Variants in UBR1 observed in about 807,000 individuals in gnomAD.
UBR1 encodes the protein E3 ubiquitin-protein ligase UBR1.
UBR1 carries 102 observed loss-of-function variants against 242.1 expected under a neutral mutation model. The ratio of observed to expected loss-of-function variants is 0.42; its 90% CI spans 0.36 to 0.50. UBR1 has a LOEUF of 0.50. Among genes scored for constraint, UBR1 ranks in the 20% least tolerant of loss-of-function variants. The pLI is 0.01. For synonymous variants in UBR1, 675 were observed against 684.8 expected, an observed-to-expected ratio of 0.99 and a Z score of 0.22; for missense variants, 1,772 against 2,101.8, an observed-to-expected ratio of 0.84 and a Z score of 3.07.
At chr15:43,082,542 A>C (rs1358000637) in intron 3 of UBR1, 96 bp downstream of exon 3, 17 of 898,716 alleles carry the variant, frequency 1.9e-5, no homozygotes, top group Non-Finnish European at 3.1e-5. Flanking sequence ...CACATATCAG[A>C]GCTGTTATAG....
chr15:43,043,601 C>T (rs534420509), intron 14 of UBR1, among the ~76,000 whole-genome samples: 1 of 152,218 alleles, frequency 6.6e-6, no homozygotes, highest in African/African-American at 2.4e-5. Context: ...CAGGCGCGTG[C>T]CACCATGCCC....
At chr15:43,002,946 A>G (rs1445827450) in intron 31 of UBR1, among the ~76,000 whole-genome samples, 1 of 152,248 alleles carries the variant, frequency 6.6e-6, no homozygotes, top group African/African-American at 2.4e-5. Flanking sequence ...TTATTGAATC[A>G]TAACTCATCT....
intron 4 of UBR1, among the ~76,000 whole-genome samples, chr15:43,071,566 T>C (rs1172256230): frequency 6.6e-6 from 1 of 151,330 alleles, no homozygotes; most frequent in African/African-American, 2.4e-5. Flanking sequence ...CTGAACGCTA[T>C]ATCTACACTA....
intron 39 of UBR1, among the ~76,000 whole-genome samples, chr15:42,971,765 AT>A (rs2032210667): frequency 6.6e-6 from 1 of 152,246 alleles, no homozygotes; most frequent in African/African-American, 2.4e-5. Context: ...TAAATTTTAC[AT>A]GCAATTAAGT....
At chr15:43,095,599 A>G (rs1425829901) in intron 1 of UBR1, among the ~76,000 whole-genome samples, 1 of 152,054 alleles carries the variant, frequency 6.6e-6, no homozygotes, top group Non-Finnish European at 1.5e-5. Context: ...CTCATCAACT[A>G]TGGTTTATTC....
In UBR1 at chr15:43,069,570, C is replaced by T. The variant is rs149043466; in HGVS notation, c.659+1225G>A. 1.9e-4 allele frequency among the ~76,000 whole-genome samples: 29 copies of T among 152,312 alleles called. No individual in the cohort carries two copies. The East Asian group carries it at 4.8e-3, about 25-fold the overall frequency. ...GATTACAGGCGTGAGCCGCCGCGCC[C>T]GGCCTATGTTCCCAGTTTTAAACAA... On this transcript the variant is annotated intron_variant, in intron 5 of 46. Transcript: ENST00000290650.
chr15:43,017,523 G>A (rs938849257), intron 27 of UBR1, among the ~76,000 whole-genome samples: 5 of 152,094 alleles, frequency 3.3e-5, no homozygotes, highest in Non-Finnish European at 5.9e-5. Context: ...GACACAAAAT[G>A]GTGACTGCTC....
chr15:42,954,500 G>T (rs1161686012), intron 44 of UBR1, among the ~76,000 whole-genome samples: 5 of 152,092 alleles, frequency 3.3e-5, no homozygotes, highest in Non-Finnish European at 5.9e-5. Flanking sequence ...CTAGATAAGA[G>T]AATTTCCTGA....
intron 19 of UBR1, among the ~76,000 whole-genome samples, chr15:43,035,811 G>T (rs1172430563): frequency 6.6e-6 from 1 of 151,518 alleles, no homozygotes; most frequent in African/African-American, 2.4e-5. Context: ...TGTATAAGGT[G>T]TAAGGAAGGG....
chr15:43,072,616 A>G (rs2033836407), intron 4 of UBR1, among the ~76,000 whole-genome samples: 1 of 152,240 alleles, frequency 6.6e-6, no homozygotes, highest in Admixed American at 6.5e-5. Flanking sequence ...CTTCAGGAGG[A>G]AAACATCCAC....
At position 43,043,228 on chromosome 15, in the gene UBR1, A is replaced by G; in HGVS notation, c.1836T>C (p.Ser612=). ...ACAAACACTCACCAGCAAGGGTCCT[A>G]GAGAGTGGCAGATGTATGCTTACAA... ...EDLVSIHLPL[S]RTLAGLHVRL... Residue 612 remains serine (S), a synonymous_variant, in exon 15 of 47, where the codon TCT becomes TCC. Coordinates refer to ENST00000290650, the MANE Select transcript of UBR1 (RefSeq NM_174916.3). The G allele has an allele frequency of 6.2e-7, 1 of 1,614,156 alleles. No homozygotes were observed. Among genetic ancestry groups the G allele is most frequent in the Non-Finnish European group, 8.5e-7 (1 of 1,180,024 alleles).
chr15:43,061,134 A>G (rs1182111707), intron 6 of UBR1, among the ~76,000 whole-genome samples: 1 of 152,214 alleles, frequency 6.6e-6, no homozygotes, highest in East Asian at 1.9e-4. Context: ...GGCTGCTATC[A>G]AAAAATAAGA....
chr15:43,014,773 G>A (rs1347825623), intron 29 of UBR1, among the ~76,000 whole-genome samples: 9 of 149,140 alleles, frequency 6.0e-5, no homozygotes, highest in Non-Finnish European at 1.2e-4. Flanking sequence ...CAGCCACCCC[G>A]TCCGGGAGGG....
intron 37 of UBR1, among the ~76,000 whole-genome samples, chr15:42,980,527 T>C (rs1168599491): frequency 6.6e-6 from 1 of 152,206 alleles, no homozygotes. Flanking sequence ...AATTAGATTT[T>C]ATTTAAAAAT....
At chr15:43,030,325 T>C (rs924116388) in intron 20 of UBR1, among the ~76,000 whole-genome samples, 2 of 152,172 alleles carry the variant, frequency 1.3e-5, no homozygotes, top group African/African-American at 2.4e-5. Flanking sequence ...CACATACATA[T>C]ACATACATAT....
intron 1 of UBR1, among the ~76,000 whole-genome samples, chr15:43,089,330 A>C (rs2034080128): frequency 6.6e-6 from 1 of 152,082 alleles, no homozygotes; most frequent in African/African-American, 2.4e-5. Flanking sequence ...ATCTCTGCTA[A>C]AAATACAAAA....
chr15:42,966,044 GGGA>G, intron 41 of UBR1, 106 bp downstream of exon 41: 2 of 1,499,738 alleles, frequency 1.3e-6, no homozygotes, highest in Non-Finnish European at 1.8e-6. Flanking sequence ...GAAAGAAATG[GGGA>G]GAGGAGAAGT....
chr15:43,068,664 A>C lies in UBR1; in HGVS notation c.660-628T>G, dbSNP rs2033785632. ...TAGATGGAATCTCACTCTGTCACCC[A>C]GGCTGGAGTACGGTGGCGCAATCTT... On this transcript the variant is annotated intron_variant, in intron 5 of 46. Coordinates refer to ENST00000290650, the MANE Select transcript of UBR1 (RefSeq NM_174916.3). Among the ~76,000 whole-genome samples, 5 of 152,170 alleles carry C rather than the reference A, an allele frequency of 3.3e-5. No homozygotes were observed. The South Asian group carries it at 1.0e-3, about 32-fold the overall frequency.
At chr15:42,975,115 C>G (rs1026848905) in intron 39 of UBR1, among the ~76,000 whole-genome samples, 2 of 151,992 alleles carry the variant, frequency 1.3e-5, no homozygotes, top group African/African-American at 4.8e-5. Flanking sequence ...AGGCTGGTCT[C>G]GAACTCCTGA....
Sources: allele counts gnomAD v4.1 joint callset (sites outside exome capture counted in the v4.1 genomes callset), GRCh38; gene constraint gnomAD v4.1.1; transcripts MANE v1.5; gene names NCBI Gene and HGNC (gene_info 2026-07-23, HGNC 2026-07-21).